Variants in RHBDD1 observed in about 807,000 individuals in gnomAD.
RHBDD1 encodes rhomboid domain containing 1, also known as rhomboid-related protein 4.
In RHBDD1, 38 loss-of-function variants were observed where a neutral mutation model predicts 36.3. That is an observed-to-expected ratio of 1.05 (90% CI 0.81 to 1.37). The LOEUF (loss-of-function observed/expected upper bound fraction) is 1.37, where lower values mean the gene tolerates loss of function less well. RHBDD1 is among the 40% of genes most tolerant of loss of function. The pLI is 0.00. For missense variants in RHBDD1, 393 were observed against 377.6 expected (o/e 1.04, Z -0.34); for synonymous variants, 151 against 136.5 (o/e 1.11, Z -0.74).
intron 6 of RHBDD1, 173 bp from the exon 7 acceptor site, chr2:226,908,649 A>ACT (rs1948260519): frequency 3.3e-6 from 2 of 614,686 alleles, no homozygotes; most frequent in Non-Finnish European, 5.9e-6. Flanking sequence ...ACACACACAC[A>ACT]CTCTTTTCCA....
chr2:226,870,771 T>C (rs777422562), intron 5 of RHBDD1, among the ~76,000 whole-genome samples: 3 of 152,232 alleles, frequency 2.0e-5, no homozygotes, highest in Non-Finnish European at 2.9e-5. Context: ...TAAAATGTTA[T>C]TAAGATCATC....
intron 7 of RHBDD1, among the ~76,000 whole-genome samples, chr2:226,912,523 A>G (rs1559263375): frequency 1.3e-5 from 2 of 152,186 alleles, no homozygotes; most frequent in Non-Finnish European, 2.9e-5. Context: ...TTATTTGCCC[A>G]TAAAAAAGAA....
chr2:226,802,460 A>G, the RHBDD1 span, among the ~76,000 whole-genome samples: 1 of 152,198 alleles, frequency 6.6e-6, no homozygotes, highest in African/African-American at 2.4e-5. Context: ...TGTTTTATTA[A>G]TGGGCTAACT....
intron 8 of RHBDD1, among the ~76,000 whole-genome samples, chr2:226,994,053 A>T (rs569089455): frequency 6.6e-6 from 1 of 152,014 alleles, no homozygotes; most frequent in Non-Finnish European, 1.5e-5. Flanking sequence ...GTCCAAGGCC[A>T]TGTGTGCTGG....
intron 8 of RHBDD1, among the ~76,000 whole-genome samples, chr2:226,956,149 A>T (rs545396161): frequency 6.6e-6 from 1 of 152,232 alleles, no homozygotes; most frequent in Admixed American, 6.5e-5. Context: ...ATTGAACCTC[A>T]CACTGTTTCT....
chr2:226,825,696 T>C, the RHBDD1 span, among the ~76,000 whole-genome samples: 1 of 152,246 alleles, frequency 6.6e-6, no homozygotes, highest in Non-Finnish European at 1.5e-5. Flanking sequence ...GGACCAATGA[T>C]GCATCCAAGG....
intron 3 of RHBDD1, among the ~76,000 whole-genome samples, chr2:226,864,134 G>A (rs932525632): frequency 2.0e-5 from 3 of 152,142 alleles, no homozygotes; most frequent in African/African-American, 7.2e-5. Flanking sequence ...GATAATGTAT[G>A]CTCGTGTCTT....
chr2:226,824,037 C>T, the RHBDD1 span, among the ~76,000 whole-genome samples: 73 of 152,270 alleles, frequency 4.8e-4, 3 homozygotes, highest in South Asian at 0.014. Context: ...GGAAAACATA[C>T]AAACCACAGT....
chr2:226,822,259 GA>G, the RHBDD1 span, among the ~76,000 whole-genome samples: 2 of 152,174 alleles, frequency 1.3e-5, no homozygotes, highest in Non-Finnish European at 2.9e-5. Flanking sequence ...ATTCATTTGA[GA>G]AATTAATTTT....
chr2:226,836,449 C>T lies in RHBDD1; in HGVS notation c.-392+362C>T, dbSNP rs927810635. ...CAGGAAGTTTGAAGTGACGTTGCATCAGCAACAGAGCATGCAGTTTCAGGT... is the reference window on the plus strand; with the variant it reads ...CAGGAAGTTTGAAGTGACGTTGCATTAGCAACAGAGCATGCAGTTTCAGGT... On this transcript the variant is annotated intron_variant, in intron 1 of 8. Coordinates refer to ENST00000392062, the MANE Select transcript of RHBDD1 (RefSeq NM_001167608.3). Among the ~76,000 whole-genome samples the T allele has an allele frequency of 5.3e-5, 8 of 152,220 alleles. No homozygotes were observed. The East Asian group carries it at 5.8e-4, about 11-fold the overall frequency.
intron 3 of RHBDD1, among the ~76,000 whole-genome samples, chr2:226,857,493 C>T (rs1943450503): frequency 1.3e-5 from 2 of 152,104 alleles, no homozygotes; most frequent in Non-Finnish European, 2.9e-5. Flanking sequence ...ATGTTTATAG[C>T]AGCATTATTC....
intron 3 of RHBDD1, among the ~76,000 whole-genome samples, chr2:226,852,900 A>AC (rs1942953762): frequency 9.5e-6 from 1 of 105,752 alleles, no homozygotes; most frequent in Non-Finnish European, 2.0e-5. Context: ...CACCTGGCTA[A>AC]TTTATTATTA....
chr2:226,914,192 T>C lies in RHBDD1; in HGVS notation c.713-16T>C, dbSNP rs1263756008. ...GTCCATAGCTGTGTTCTAGAACCTT[T>C]TCCTTGTGCCTTTAGGCAGCTCTGG... On this transcript the variant is annotated splice_polypyrimidine_tract_variant and intron_variant, in intron 7 of 8. Coordinates refer to ENST00000392062, the MANE Select transcript of RHBDD1 (RefSeq NM_001167608.3). The C allele has an allele frequency of 6.2e-7, 1 of 1,612,772 alleles. No homozygotes were observed. Among genetic ancestry groups the C allele is most frequent in the Non-Finnish European group, 8.5e-7 (1 of 1,179,256 alleles).
At chr2:226,888,863 T>G (rs1027073698) in intron 5 of RHBDD1, among the ~76,000 whole-genome samples, 6 of 152,316 alleles carry the variant, frequency 3.9e-5, no homozygotes, top group African/African-American at 1.4e-4. Flanking sequence ...AAATCTCTGG[T>G]CTGAGAATCT....
At chr2:226,875,618 T>G (rs906255713) in intron 5 of RHBDD1, among the ~76,000 whole-genome samples, 2 of 152,086 alleles carry the variant, frequency 1.3e-5, no homozygotes, top group Admixed American at 6.5e-5. Flanking sequence ...TTTGAGAAAT[T>G]AGGAGGCGCT....
intron 5 of RHBDD1, among the ~76,000 whole-genome samples, chr2:226,876,492 T>C (rs1316633503): frequency 6.6e-6 from 1 of 152,222 alleles, no homozygotes; most frequent in South Asian, 2.1e-4. Flanking sequence ...TTATACCTAC[T>C]TTGTGAAGAA....
chr2:226,811,289 C>T, the RHBDD1 span, among the ~76,000 whole-genome samples: 8 of 151,720 alleles, frequency 5.3e-5, no homozygotes, highest in Non-Finnish European at 1.5e-5. Flanking sequence ...AAGAGATGAT[C>T]CTAAAATTGT....
intron 8 of RHBDD1, among the ~76,000 whole-genome samples, chr2:226,947,854 A>G (rs1392509516): frequency 2.0e-5 from 3 of 152,218 alleles, no homozygotes; most frequent in Non-Finnish European, 4.4e-5. Flanking sequence ...ATGCAAATCA[A>G]AACCACTATG....
chr2:226,862,101 T>C (rs1163447017), intron 3 of RHBDD1, among the ~76,000 whole-genome samples: 1 of 152,232 alleles, frequency 6.6e-6, no homozygotes, highest in Non-Finnish European at 1.5e-5. Context: ...AGAATCCATA[T>C]GGGGGCATAG....
Sources: allele counts gnomAD v4.1 joint callset (sites outside exome capture counted in the v4.1 genomes callset), GRCh38; gene constraint gnomAD v4.1.1; transcripts MANE v1.5; gene names NCBI Gene and HGNC (gene_info 2026-07-23, HGNC 2026-07-21).